ZFYVE9: variants seen among roughly 807,000 people sequenced by gnomAD.
The protein encoded by ZFYVE9 is zinc finger FYVE domain-containing protein 9.
ZFYVE9 carries 43 observed loss-of-function variants against 126.7 expected under a neutral mutation model. The observed-to-expected ratio is 0.34, with a 90% CI of 0.27 to 0.44. The LOEUF (loss-of-function observed/expected upper bound fraction) is 0.44, where lower values mean the gene tolerates loss of function less well. Among genes scored for constraint, ZFYVE9 ranks in the 20% least tolerant of loss-of-function variants. The pLI, the probability that ZFYVE9 is intolerant of heterozygous loss-of-function variation, is 1.00. For missense variants in ZFYVE9, 1,476 were observed against 1,697.0 expected (o/e 0.87, Z 2.29); for synonymous variants, 521 against 597.4 (o/e 0.87, Z 1.87).
chr1:52,342,099 C>T (rs1646441884), intron 17 of ZFYVE9, among the ~76,000 whole-genome samples: 1 of 152,102 alleles, frequency 6.6e-6, no homozygotes, highest in Non-Finnish European at 1.5e-5. Context: ...GGTCTCCTGA[C>T]TCCCACTCGG....
At chr1:52,209,957 G>T (rs1557458855) in intron 1 of ZFYVE9, among the ~76,000 whole-genome samples, 1 of 152,022 alleles carries the variant, frequency 6.6e-6, no homozygotes, top group Non-Finnish European at 1.5e-5. Context: ...GTACAAAACA[G>T]GGGGCAGGGA....
intron 1 of ZFYVE9, among the ~76,000 whole-genome samples, chr1:52,149,646 C>T (rs1572056351): frequency 6.6e-6 from 1 of 152,284 alleles, no homozygotes; most frequent in African/African-American, 2.4e-5. Context: ...TATGCCCTGC[C>T]ACCACGCGTG....
intron 1 of ZFYVE9, among the ~76,000 whole-genome samples, chr1:52,157,327 A>G (rs1043017641): frequency 3.5e-5 from 5 of 143,168 alleles, no homozygotes; most frequent in African/African-American, 1.3e-4. Flanking sequence ...CCTTGTTTTG[A>G]TTATATATAT....
At chr1:52,171,865 A>C (rs1644574636) in intron 1 of ZFYVE9, among the ~76,000 whole-genome samples, 1 of 151,652 alleles carries the variant, frequency 6.6e-6, no homozygotes, top group Admixed American at 6.6e-5. Flanking sequence ...TTTTCTTGTA[A>C]ATTTGTTTGT....
intron 1 of ZFYVE9, among the ~76,000 whole-genome samples, chr1:52,149,816 G>C (rs113032251): frequency 0.019 from 2,943 of 152,182 alleles, 96 homozygotes; most frequent in African/African-American, 0.068. Flanking sequence ...AAGCTGAAAG[G>C]CTTGTTCTGG....
intron 1 of ZFYVE9, among the ~76,000 whole-genome samples, chr1:52,215,509 T>G (rs1645063878): frequency 6.6e-6 from 1 of 152,232 alleles, no homozygotes; most frequent in South Asian, 2.1e-4. Flanking sequence ...TTTTTCTTGC[T>G]GCCTCAGTTT....
intron 1 of ZFYVE9, among the ~76,000 whole-genome samples, chr1:52,178,439 C>A (rs547375683): frequency 6.6e-6 from 1 of 150,582 alleles, no homozygotes; most frequent in East Asian, 2.0e-4. Context: ...TCAAGTGATT[C>A]TCTTGCCTCG....
chr1:52,186,259 A>C (rs1368698974), intron 1 of ZFYVE9, among the ~76,000 whole-genome samples: 6 of 131,084 alleles, frequency 4.6e-5, no homozygotes, highest in East Asian at 3.9e-4. Context: ...AAAACAAAAC[A>C]AAACCCAAAA....
At chr1:52,339,539 C>T (rs1207887990) in intron 16 of ZFYVE9, among the ~76,000 whole-genome samples, 1 of 152,156 alleles carries the variant, frequency 6.6e-6, no homozygotes, top group Non-Finnish European at 1.5e-5. Context: ...AGTCTACCCA[C>T]CTCAGCCTCC....
At chr1:52,213,844 T>A (rs937963198) in intron 1 of ZFYVE9, among the ~76,000 whole-genome samples, 1 of 151,906 alleles carries the variant, frequency 6.6e-6, no homozygotes, top group Non-Finnish European at 1.5e-5. Flanking sequence ...GAGGAAGATA[T>A]GTTGAGAAGC....
intron 12 of ZFYVE9, among the ~76,000 whole-genome samples, chr1:52,301,008 C>T (rs1646028335): frequency 6.6e-6 from 1 of 151,446 alleles, no homozygotes; most frequent in South Asian, 2.1e-4. Flanking sequence ...TACAGGCATG[C>T]ACCACCATGC....
chr1:52,318,366 TTGTATGTGTGTGTG>T (rs1464655072), intron 13 of ZFYVE9, among the ~76,000 whole-genome samples: 66 of 84,006 alleles, frequency 7.9e-4, no homozygotes, highest in South Asian at 2.1e-3. Context: ...GAGAGCATGA[TTGTATGTGTGTGTG>T]TGTGTGTGTG....
chr1:52,270,110 G>T (rs1231014555), intron 7 of ZFYVE9, among the ~76,000 whole-genome samples: 1 of 151,840 alleles, frequency 6.6e-6, no homozygotes, highest in Admixed American at 6.6e-5. Context: ...TTAAGGATTG[G>T]TTGCACTTCA....
At chr1:52,339,037 AC>A (rs1569785990) in intron 16 of ZFYVE9, among the ~76,000 whole-genome samples, 2 of 152,344 alleles carry the variant, frequency 1.3e-5, no homozygotes, top group East Asian at 3.9e-4. Flanking sequence ...AGATTCAAGA[AC>A]ATAAACAGGT....
intron 4 of ZFYVE9, chr1:52,254,164 G>GT (rs527403809): frequency 1.1e-4 from 71 of 662,900 alleles, no homozygotes; most frequent in Non-Finnish European, 1.8e-4. Flanking sequence ...ATTTCATGAT[G>GT]TATTGTTCAA....
chr1:52,197,598 C>CA (rs891544973), intron 1 of ZFYVE9, among the ~76,000 whole-genome samples: 64 of 95,442 alleles, frequency 6.7e-4, no homozygotes, highest in Admixed American at 1.5e-3. Context: ...AGATAGATGT[C>CA]AAAAAAAAAT....
intron 10 of ZFYVE9, 49 bp downstream of exon 10, chr1:52,281,865 A>T (rs748402866): frequency 1.6e-5 from 25 of 1,603,800 alleles, no homozygotes; most frequent in Non-Finnish European, 2.1e-5. Context: ...ATGACAAAAA[A>T]ATTTTGAATT....
intron 13 of ZFYVE9, among the ~76,000 whole-genome samples, chr1:52,327,047 G>GC (rs111606573): frequency 0.047 from 7,175 of 152,144 alleles, 564 homozygotes; most frequent in African/African-American, 0.16. Context: ...TGTAGTCCCA[G>GC]CTACTCGGGA....
intron 9 of ZFYVE9, among the ~76,000 whole-genome samples, chr1:52,278,910 GT>G (rs915467841): frequency 6.2e-5 from 9 of 144,112 alleles, no homozygotes; most frequent in South Asian, 2.2e-4. Context: ...TTTCGTATTT[GT>G]TTTTTTTTTA....
Sources: gnomAD v4.1 joint callset for allele counts (sites outside exome capture counted in the v4.1 genomes callset) on GRCh38, gnomAD v4.1.1 for gene constraint, MANE v1.5 for transcripts, NCBI Gene and HGNC (gene_info 2026-07-23, HGNC 2026-07-21) for gene names.